Variants in EFL1 observed in about 807,000 individuals in gnomAD.
The protein encoded by EFL1 is elongation factor-like GTPase 1.
A neutral mutation model predicts 126.7 loss-of-function variants in EFL1; 76 were observed. The ratio of observed to expected loss-of-function variants is 0.60; its 90% CI spans 0.50 to 0.73. EFL1 has a LOEUF of 0.73. EFL1 is among the 30% of genes least tolerant of loss of function. EFL1 has a pLI of 0.00. For missense variants in EFL1, 1,128 were observed against 1,343.2 expected (o/e 0.84, Z 2.50); for synonymous variants, 410 against 448.4 (o/e 0.91, Z 1.08).
intron 15 of EFL1, 83 bp from the exon 16 acceptor site, chr15:82,164,067 T>C: frequency 6.5e-7 from 1 of 1,544,818 alleles, no homozygotes; most frequent in South Asian, 1.2e-5. Context: ...ATCAACCCAG[T>C]ATATGTATCA....
intron 15 of EFL1, among the ~76,000 whole-genome samples, chr15:82,200,532 C>A (rs1434597884): frequency 6.6e-6 from 1 of 152,112 alleles, no homozygotes; most frequent in African/African-American, 2.4e-5. Flanking sequence ...GAGAAAAGAA[C>A]AGAAAGATAC....
At chr15:82,251,186 T>C (rs1204869513) in intron 4 of EFL1, among the ~76,000 whole-genome samples, 1 of 152,086 alleles carries the variant, frequency 6.6e-6, no homozygotes, top group Admixed American at 6.6e-5. Flanking sequence ...CACTCCAGCC[T>C]GGGCGACAGA....
intron 18 of EFL1, among the ~76,000 whole-genome samples, chr15:82,143,474 A>T (rs2073810331): frequency 6.6e-6 from 1 of 152,224 alleles, no homozygotes; most frequent in African/African-American, 2.4e-5. Context: ...AAAAACACAC[A>T]TACAAATAAA....
chr15:82,222,929 G>A (rs1567069542), intron 12 of EFL1, among the ~76,000 whole-genome samples: 1 of 152,152 alleles, frequency 6.6e-6, no homozygotes, highest in African/African-American at 2.4e-5. Context: ...ATTTGAAGAA[G>A]CAAAGAAAAG....
In EFL1 at chr15:82,240,535, T is replaced by C. The variant is rs1433035007; in HGVS notation, c.399A>G (p.Gln133=). ...VCPQTQAVLR[Q]AWLENIRPVL... ...CCGGACGGATGTTTTCAAGCCAAGC[T>C]TGTCGCAGAACTGCCTGTGTCTGAT... The change falls in exon 6 of 20, where the codon CAA becomes CAG. Residue 133 remains glutamine (Q), a synonymous_variant. Coordinates refer to ENST00000268206, the MANE Select transcript of EFL1 (RefSeq NM_024580.6). 1.2e-6 allele frequency: 2 copies of C among 1,614,006 alleles called. No individual in the cohort carries two copies. The highest frequency in any genetic ancestry group is 2.2e-5 in the East Asian group (1 of 44,880).
At chr15:82,219,904 A>G (rs2074691597) in intron 13 of EFL1, 86 bp from the exon 14 acceptor site, 1 of 1,506,904 alleles carries the variant, frequency 6.6e-7, no homozygotes, top group South Asian at 1.3e-5. Flanking sequence ...AGTGAATATG[A>G]TATCTTTCGT....
rs2073623968 is a variant in EFL1, at chr15:82,130,288, G to T, written c.*85C>A. 5 of 1,391,496 alleles carry T rather than the reference G, an allele frequency of 3.6e-6. No homozygotes were observed. The highest frequency in any genetic ancestry group is 4.9e-6 in the Non-Finnish European group (5 of 1,027,832). 86.2% of individuals were successfully genotyped at this position (1,391,496 alleles called of 1,614,324 possible). Reference sequence around the variant, plus strand: ...GAAAGTGAATAAACAGAGATAATGTGGCAAAAAGAAATTTTCCCAATATTA... The same window carrying T: ...GAAAGTGAATAAACAGAGATAATGTTGCAAAAAGAAATTTTCCCAATATTA... On this transcript the variant is annotated 3_prime_UTR_variant, in exon 20 of 20. Coordinates refer to ENST00000268206, the MANE Select transcript of EFL1 (RefSeq NM_024580.6).
chr15:82,237,395 G>A (rs1477157094), intron 7 of EFL1, among the ~76,000 whole-genome samples: 2 of 152,198 alleles, frequency 1.3e-5, no homozygotes, highest in African/African-American at 2.4e-5. Flanking sequence ...TGACAAATCA[G>A]CACATGAAAA....
intron 12 of EFL1, among the ~76,000 whole-genome samples, chr15:82,222,683 G>C (rs574812421): frequency 2.4e-4 from 37 of 152,306 alleles, no homozygotes; most frequent in Non-Finnish European, 4.7e-4. Context: ...AATCAGCAAG[G>C]ATGTGTAAAA....
intron 4 of EFL1, 131 bp from the exon 5 acceptor site, chr15:82,241,534 A>G: frequency 3.5e-6 from 4 of 1,128,070 alleles, no homozygotes; most frequent in Non-Finnish European, 4.9e-6. Flanking sequence ...TTGAAAGCTC[A>G]ATCCAGAGCT....
At chr15:82,206,374 A>G (rs771378234) in intron 15 of EFL1, among the ~76,000 whole-genome samples, 6 of 152,172 alleles carry the variant, frequency 3.9e-5, no homozygotes, top group Non-Finnish European at 8.8e-5. Context: ...CATCAATAAG[A>G]CATCAAGAGA....
intron 17 of EFL1, among the ~76,000 whole-genome samples, chr15:82,156,667 T>TTAAG (rs112812889): frequency 0.45 from 68,724 of 151,854 alleles, 18,224 homozygotes; most frequent in African/African-American, 0.74. Flanking sequence ...GGTATAAAGA[T>TTAAG]TGAGATAAAT....
chr15:82,189,633 A>G (rs1470511922), intron 15 of EFL1, among the ~76,000 whole-genome samples: 1 of 151,998 alleles, frequency 6.6e-6, no homozygotes, highest in African/African-American at 2.4e-5. Flanking sequence ...CTTTCTCCCA[A>G]TGTCTCCCCT....
At position 82,151,614 on chromosome 15, in the gene EFL1, TCTC is replaced by T. The variant is rs2073908860; in HGVS notation, c.2837_2839del (p.Gly946del). 1 of 1,614,124 alleles carries T rather than the reference TCTC, an allele frequency of 6.2e-7. No homozygotes were observed. Among genetic ancestry groups the T allele is most frequent in the East Asian group, 2.2e-5 (1 of 44,866 alleles). On this transcript the variant is annotated inframe_deletion, in exon 18 of 20. Transcript: ENST00000268206. ...TCCATAGCAGTCAGTGAGTGGAGAT[TCTC>T]CTTTCTGTGATGTCCTCTTCTCAAA... is the stretch of plus-strand genomic sequence containing the variant.
At chr15:82,173,585 T>C (rs953368573) in intron 15 of EFL1, among the ~76,000 whole-genome samples, 1 of 152,210 alleles carries the variant, frequency 6.6e-6, no homozygotes, top group Admixed American at 6.5e-5. Flanking sequence ...CAGCTCCTGG[T>C]TTTTATCTTT....
chr15:82,221,814 G>T (rs553260238), intron 12 of EFL1, among the ~76,000 whole-genome samples: 2 of 152,306 alleles, frequency 1.3e-5, no homozygotes, highest in Non-Finnish European at 2.9e-5. Context: ...AATACAGAAT[G>T]AACTCTGCTT....
At chr15:82,135,409 C>T (rs1448094343) in intron 19 of EFL1, among the ~76,000 whole-genome samples, 1 of 151,942 alleles carries the variant, frequency 6.6e-6, no homozygotes, top group Non-Finnish European at 1.5e-5. Context: ...CTAGTTGTCC[C>T]TAAATATCCG....
At chr15:82,157,348 G>C (rs2073978685) in intron 17 of EFL1, 1 of 160,698 alleles carries the variant, frequency 6.2e-6, no homozygotes, top group East Asian at 1.8e-4. Flanking sequence ...ACATTGTAAA[G>C]ACCACATCAA....
intron 7 of EFL1, among the ~76,000 whole-genome samples, chr15:82,235,608 A>G (rs538016401): frequency 2.1e-4 from 32 of 152,282 alleles, no homozygotes; most frequent in African/African-American, 6.7e-4. Context: ...ATACAAATAT[A>G]TTAATTAATA....
Sources: allele counts gnomAD v4.1 joint callset (sites outside exome capture counted in the v4.1 genomes callset), GRCh38; gene constraint gnomAD v4.1.1; transcripts MANE v1.5; gene names NCBI Gene and HGNC (gene_info 2026-07-23, HGNC 2026-07-21).